Variants in CCSER1 observed in about 807,000 individuals in gnomAD.
CCSER1 encodes coiled-coil serine rich protein 1.
CCSER1 carries 41 observed loss-of-function variants against 82.0 expected under a neutral mutation model. The observed-to-expected ratio is 0.50, with a 90% CI of 0.39 to 0.65. The LOEUF (loss-of-function observed/expected upper bound fraction) is 0.65, where lower values mean the gene tolerates loss of function less well. Among genes scored for constraint, CCSER1 ranks in the 30% least tolerant of loss-of-function variants. The pLI is 0.00. For missense variants in CCSER1, 1,119 were observed against 1,064.2 expected, an observed-to-expected ratio of 1.05 and a Z score of -0.72; for synonymous variants, 414 against 383.9, an observed-to-expected ratio of 1.08 and a Z score of -0.92.
At chr4:90,345,616 A>G (rs1354305938) in intron 3 of CCSER1, among the ~76,000 whole-genome samples, 65 of 152,068 alleles carry the variant, frequency 4.3e-4, no homozygotes, top group Non-Finnish European at 7.4e-5. Flanking sequence ...GTAATTTTCA[A>G]TCATATACTA....
chr4:90,786,846 G>A (rs540907380), intron 7 of CCSER1, among the ~76,000 whole-genome samples: 8 of 152,286 alleles, frequency 5.3e-5, no homozygotes, highest in African/African-American at 1.9e-4. Flanking sequence ...CATTCCCCAA[G>A]AGTCCTCTTC....
Position 91,599,243 on chromosome 4 carries a change from T to C in CCSER1, c.*186T>C, listed in dbSNP as rs1241695856. 1.5e-6 allele frequency: 1 copy of C among 673,838 alleles called. No homozygotes were observed. Among genetic ancestry groups the C allele is most frequent in the Non-Finnish European group, 2.3e-6 (1 of 425,744 alleles). The allele number at this position is 673,838 out of a possible 1,614,324, so 41.7% of individuals were successfully genotyped here. Reference sequence around the variant, plus strand: ...TTTTTTTTTTCCAAGAGTGAAAGTTTGAGCATGTTAATTGAACTAGGTTGC... The same window carrying C: ...TTTTTTTTTTCCAAGAGTGAAAGTTCGAGCATGTTAATTGAACTAGGTTGC... On this transcript the variant is annotated 3_prime_UTR_variant, in exon 11 of 11. Coordinates refer to ENST00000509176, the MANE Select transcript of CCSER1 (RefSeq NM_001145065.2).
chr4:90,585,932 T>G (rs534044633), intron 5 of CCSER1, among the ~76,000 whole-genome samples: 174 of 152,314 alleles, frequency 1.1e-3, no homozygotes, highest in Admixed American at 2.1e-3. Flanking sequence ...ATCAAGAAAT[T>G]TATTTTCTAT....
intron 10 of CCSER1, among the ~76,000 whole-genome samples, chr4:91,150,994 T>A (rs937318008): frequency 6.6e-6 from 1 of 152,214 alleles, no homozygotes; most frequent in African/African-American, 2.4e-5. Flanking sequence ...CAAAATGAGT[T>A]AGGGAGGATT....
At chr4:90,782,702 G>C in intron 7 of CCSER1, among the ~76,000 whole-genome samples, 1 of 38,012 alleles carries the variant, frequency 2.6e-5, no homozygotes, top group African/African-American at 1.6e-4. Context: ...TTTTTTTTTT[G>C]AGACAGTCTA....
chr4:91,020,081 C>A (rs1739792072), intron 9 of CCSER1, among the ~76,000 whole-genome samples: 1 of 151,960 alleles, frequency 6.6e-6, no homozygotes, highest in African/African-American at 2.4e-5. Context: ...CCTAAAATTT[C>A]TTGGGGGAAA....
At chr4:90,547,983 G>A (rs1008275805) in intron 5 of CCSER1, among the ~76,000 whole-genome samples, 2 of 152,066 alleles carry the variant, frequency 1.3e-5, no homozygotes, top group African/African-American at 2.4e-5. Flanking sequence ...TTTAGAAAAC[G>A]TATAATTGAT....
chr4:90,866,571 G>A lies in CCSER1; in HGVS notation c.2094+50726G>A, dbSNP rs184679946. On this transcript the variant is annotated intron_variant, in intron 8 of 10. Transcript: ENST00000509176. ...CCATTAAATTTAGACTTACATTTTAGGCTATAAGTTGAATCCATAACATAA... is the reference window on the plus strand; with the variant it reads ...CCATTAAATTTAGACTTACATTTTAAGCTATAAGTTGAATCCATAACATAA... 1.5e-3 allele frequency among the ~76,000 whole-genome samples: 230 copies of A among 152,036 alleles called. 1 individual carries two copies. Among genetic ancestry groups the A allele is most frequent in the Admixed American group, 2.1e-3 (32 of 15,240 alleles).
At chr4:91,092,341 C>T (rs1157655667) in intron 10 of CCSER1, among the ~76,000 whole-genome samples, 1 of 152,150 alleles carries the variant, frequency 6.6e-6, no homozygotes, top group Non-Finnish European at 1.5e-5. Context: ...ACTTCATGAG[C>T]TTTTTCAGTT....
chr4:90,190,096 C>T (rs1735345453), intron 1 of CCSER1, among the ~76,000 whole-genome samples: 1 of 151,992 alleles, frequency 6.6e-6, no homozygotes, highest in East Asian at 1.9e-4. Flanking sequence ...TGTGATTTGG[C>T]TCTGAGGCGT....
chr4:90,270,818 A>G (rs1413119779), intron 1 of CCSER1, among the ~76,000 whole-genome samples: 1 of 152,156 alleles, frequency 6.6e-6, no homozygotes, highest in African/African-American at 2.4e-5. Context: ...CAATATATAC[A>G]ATTCAGTAGC....
At chr4:90,739,990 A>G (rs1358558829) in intron 7 of CCSER1, among the ~76,000 whole-genome samples, 1 of 152,006 alleles carries the variant, frequency 6.6e-6, no homozygotes, top group Non-Finnish European at 1.5e-5. Context: ...CAGTTGTTCA[A>G]TTTGTTGTTC....
intron 8 of CCSER1, chr4:90,838,906 C>A (rs369948815): frequency 2.5e-6 from 4 of 1,613,196 alleles, no homozygotes; most frequent in Middle Eastern, 1.9e-4. Context: ...CGCCTCATTA[C>A]GATTCGCCTG....
Position 91,004,131 on chromosome 4 carries a change from C to T in CCSER1, c.2172+80684C>T, listed in dbSNP as rs897854956. 7.9e-5 allele frequency among the ~76,000 whole-genome samples: 12 copies of T among 152,270 alleles called. No individual in the cohort carries two copies. The East Asian group carries it at 1.9e-3, about 25-fold the overall frequency. Reference sequence around the variant, plus strand: ...CCTTCGGAGAGTCTGTGGGTTATCTCGGCTCTTCTGGTTTATTCCTGCCGA... The same window carrying T: ...CCTTCGGAGAGTCTGTGGGTTATCTTGGCTCTTCTGGTTTATTCCTGCCGA... On this transcript the variant is annotated intron_variant, in intron 9 of 10. Coordinates refer to ENST00000509176, the MANE Select transcript of CCSER1 (RefSeq NM_001145065.2).
chr4:90,231,799 A>G (rs1026898939), intron 1 of CCSER1, among the ~76,000 whole-genome samples: 15 of 151,818 alleles, frequency 9.9e-5, no homozygotes, highest in Non-Finnish European at 7.4e-5. Context: ...TCAATGTACA[A>G]AAATCACAAG....
chr4:90,396,497 A>G (rs1751976816), intron 3 of CCSER1, among the ~76,000 whole-genome samples: 1 of 152,178 alleles, frequency 6.6e-6, no homozygotes, highest in Admixed American at 6.5e-5. Flanking sequence ...AAACTGTAAA[A>G]CCAATATAAA....
chr4:90,243,617 G>A (rs1014149080), intron 1 of CCSER1, among the ~76,000 whole-genome samples: 9 of 151,998 alleles, frequency 5.9e-5, no homozygotes, highest in African/African-American at 1.4e-4. Flanking sequence ...TGAACTCCTG[G>A]CCTCAAACAA....
intron 10 of CCSER1, among the ~76,000 whole-genome samples, chr4:91,456,061 G>A (rs911789076): frequency 1.3e-5 from 2 of 151,968 alleles, no homozygotes; most frequent in Non-Finnish European, 2.9e-5. Context: ...TTATGAACTA[G>A]GTGTCTTGTA....
intron 4 of CCSER1, among the ~76,000 whole-genome samples, chr4:90,438,015 C>T (rs937600237): frequency 2.0e-5 from 3 of 152,056 alleles, no homozygotes; most frequent in Admixed American, 6.5e-5. Context: ...TCTACATCTC[C>T]ACAGTTCTGT....
Sources: allele counts gnomAD v4.1 joint callset (sites outside exome capture counted in the v4.1 genomes callset), GRCh38; gene constraint gnomAD v4.1.1; transcripts MANE v1.5; gene names NCBI Gene and HGNC (gene_info 2026-07-23, HGNC 2026-07-21).